The following DACH1 variants were observed in gnomAD, a reference collection of about 807,000 sequenced individuals.
The protein encoded by DACH1 is dachshund family transcription factor 1.
In DACH1, 12 loss-of-function variants were observed where a neutral mutation model predicts 54.2. The ratio of observed to expected loss-of-function variants is 0.22; its 90% confidence interval spans 0.14 to 0.36. The LOEUF (loss-of-function observed/expected upper bound fraction) is 0.36. DACH1 is among the 10% of genes least tolerant of loss of function. The pLI is 1.00. For missense variants in DACH1, 805 were observed against 929.8 expected, an observed-to-expected ratio of 0.87 and a Z score of 1.75; for synonymous variants, 386 against 366.2, an observed-to-expected ratio of 1.05 and a Z score of -0.62.
At chr13:71,853,722 T>C (rs1873820648) in intron 1 of DACH1, among the ~76,000 whole-genome samples, 1 of 152,204 alleles carries the variant, frequency 6.6e-6, no homozygotes, top group Non-Finnish European at 1.5e-5. Flanking sequence ...TGCACTATTC[T>C]TTTCCTTTCA....
chr13:71,554,821 G>A (rs1344725132), intron 6 of DACH1, among the ~76,000 whole-genome samples: 5 of 152,058 alleles, frequency 3.3e-5, no homozygotes, highest in Admixed American at 3.3e-4. Context: ...TTCAACAAAT[G>A]CTCCACAGTG....
intron 6 of DACH1, among the ~76,000 whole-genome samples, chr13:71,521,259 A>T (rs9529903): frequency 0.94 from 142,730 of 152,050 alleles, 67,660 homozygotes; most frequent in East Asian, 1. Flanking sequence ...CATGTAATAG[A>T]TTTCTATTAA....
rs532905508 is a variant in DACH1 at position 71,540,445 on chromosome 13, T to G, written c.1570+16579A>C. On this transcript the variant is annotated intron_variant, in intron 6 of 10. Coordinates refer to ENST00000613252, the MANE Select transcript of DACH1 (RefSeq NM_080759.6). Reference sequence around the variant, plus strand: ...TGTCACATTTAACGGGTTTAGAAAATGACAGGATGCCTCTTTTGTTTTAAC... The same window carrying G: ...TGTCACATTTAACGGGTTTAGAAAAGGACAGGATGCCTCTTTTGTTTTAAC... Among the ~76,000 whole-genome samples the G allele has an allele frequency of 2.0e-5, 3 of 152,248 alleles. No homozygotes were observed. The East Asian group carries it at 5.8e-4, about 29-fold the overall frequency.
At chr13:71,858,850 T>C (rs1435582710) in intron 1 of DACH1, among the ~76,000 whole-genome samples, 1 of 151,758 alleles carries the variant, frequency 6.6e-6, no homozygotes, top group East Asian at 1.9e-4. Context: ...TACATTATTA[T>C]AGATACTTCA....
intron 6 of DACH1, among the ~76,000 whole-genome samples, chr13:71,522,975 A>G (rs1881710492): frequency 6.6e-6 from 1 of 152,154 alleles, no homozygotes; most frequent in Admixed American, 6.6e-5. Context: ...AAAAGCTGGC[A>G]AGAATGCATA....
At chr13:71,782,088 T>A (rs1391817858) in intron 1 of DACH1, among the ~76,000 whole-genome samples, 1 of 152,150 alleles carries the variant, frequency 6.6e-6, no homozygotes, top group African/African-American at 2.4e-5. Flanking sequence ...ATGGACACAT[T>A]TCACTCATGT....
At chr13:71,801,709 T>C (rs896110139) in intron 1 of DACH1, among the ~76,000 whole-genome samples, 2 of 152,274 alleles carry the variant, frequency 1.3e-5, no homozygotes, top group East Asian at 1.9e-4. Flanking sequence ...ATGCAAAGTC[T>C]GAATTGTTTC....
At chr13:71,691,177 T>G (rs925708527) in intron 1 of DACH1, among the ~76,000 whole-genome samples, 2 of 152,210 alleles carry the variant, frequency 1.3e-5, no homozygotes, top group African/African-American at 4.8e-5. Context: ...AGGTTATTGT[T>G]AATTTGGTCC....
chr13:71,634,317 TCCA>T (rs1877317196), intron 2 of DACH1, among the ~76,000 whole-genome samples: 1 of 152,090 alleles, frequency 6.6e-6, no homozygotes, highest in South Asian at 2.1e-4. Flanking sequence ...GCTCTTAGGA[TCCA>T]GTCCAGTGCT....
At chr13:71,620,104 T>A (rs567209065) in intron 3 of DACH1, among the ~76,000 whole-genome samples, 2 of 152,092 alleles carry the variant, frequency 1.3e-5, no homozygotes, top group East Asian at 3.9e-4. Flanking sequence ...AATATTTTTA[T>A]GTAAAGTGAA....
intron 1 of DACH1, among the ~76,000 whole-genome samples, chr13:71,705,218 TCTTGGA>T (rs1450071063): frequency 2.0e-5 from 3 of 152,322 alleles, no homozygotes; most frequent in African/African-American, 7.2e-5. Flanking sequence ...CTGTCATAAA[TCTTGGA>T]CTTCGTTTTC....
intron 6 of DACH1, among the ~76,000 whole-genome samples, chr13:71,536,291 C>A (rs1220342977): frequency 1.3e-5 from 2 of 152,032 alleles, no homozygotes; most frequent in Non-Finnish European, 2.9e-5. Flanking sequence ...CAGGAGAAAT[C>A]TTTCTCAAGC....
At chr13:71,443,939 G>C (rs144785108) in intron 10 of DACH1, among the ~76,000 whole-genome samples, 3 of 152,010 alleles carry the variant, frequency 2.0e-5, no homozygotes, top group African/African-American at 4.8e-5. Context: ...TATTGTTTTC[G>C]TATGGAATAT....
Position 71,588,118 on chromosome 13 carries a change from G to T in DACH1, c.1127-15106C>A, listed in dbSNP as rs1193204579. The stretch of plus-strand genomic sequence containing the variant: ...TTTACAGTTTGAGAGAAGCTACAAA[G>T]GTTTAGATGGGAACGGATGAATCTA... On this transcript the variant is annotated intron_variant, in intron 3 of 10. Coordinates refer to ENST00000613252, the MANE Select transcript of DACH1 (RefSeq NM_080759.6). 2.0e-5 allele frequency among the ~76,000 whole-genome samples: 3 copies of T among 152,038 alleles called. No homozygotes were observed. The East Asian group carries it at 5.8e-4, about 29-fold the overall frequency.
intron 6 of DACH1, among the ~76,000 whole-genome samples, chr13:71,550,915 G>A (rs575944529): frequency 1.3e-4 from 20 of 152,156 alleles, no homozygotes; most frequent in African/African-American, 4.8e-4. Context: ...TATTTAGATG[G>A]TATAAGTAAA....
At chr13:71,502,028 A>G (rs1456062387) in intron 6 of DACH1, among the ~76,000 whole-genome samples, 2 of 152,186 alleles carry the variant, frequency 1.3e-5, no homozygotes, top group East Asian at 1.9e-4. Context: ...TAAACACCCA[A>G]GGAGTAACAC....
chr13:71,841,853 G>C (rs946576520), intron 1 of DACH1, among the ~76,000 whole-genome samples: 1 of 152,032 alleles, frequency 6.6e-6, no homozygotes, highest in East Asian at 1.9e-4. Context: ...AATGACAAAA[G>C]GCATTTATTG....
At chr13:71,572,225 A>T (rs569240001) in intron 4 of DACH1, among the ~76,000 whole-genome samples, 7 of 152,220 alleles carry the variant, frequency 4.6e-5, no homozygotes, top group Non-Finnish European at 1.0e-4. Context: ...AAACATATTT[A>T]CATATATAAC....
intron 3 of DACH1, among the ~76,000 whole-genome samples, chr13:71,598,799 A>T (rs956056426): frequency 6.6e-6 from 1 of 152,176 alleles, no homozygotes; most frequent in Non-Finnish European, 1.5e-5. Flanking sequence ...TTCTACTTGC[A>T]AGTCAACAGA....
Sources: gnomAD v4.1 joint callset for allele counts (sites outside exome capture counted in the v4.1 genomes callset) on GRCh38, gnomAD v4.1.1 for gene constraint, MANE v1.5 for transcripts, NCBI Gene and HGNC (gene_info 2026-07-23, HGNC 2026-07-21) for gene names.